The following DGKB variants were observed in gnomAD, a reference collection of about 807,000 sequenced individuals.
The protein encoded by DGKB is 90 kDa diacylglycerol kinase.
A neutral mutation model predicts 114.3 loss-of-function variants in DGKB; 67 were observed. That is an observed-to-expected ratio of 0.59 (90% CI 0.48 to 0.72). DGKB has a LOEUF of 0.72. Among genes scored for constraint, DGKB ranks in the 30% least tolerant of loss-of-function variants. The pLI is 0.00. For missense variants in DGKB, 907 were observed against 975.2 expected, an observed-to-expected ratio of 0.93 and a Z score of 0.93; for synonymous variants, 398 against 323.1, an observed-to-expected ratio of 1.23 and a Z score of -2.49.
intron 21 of DGKB, among the ~76,000 whole-genome samples, chr7:14,463,983 G>A (rs745527065): frequency 2.0e-5 from 3 of 151,152 alleles, no homozygotes; most frequent in Admixed American, 6.6e-5. Flanking sequence ...AATAAGATTG[G>A]GACTAACGAT....
At chr7:14,790,186 C>T (rs988583999) in intron 2 of DGKB, among the ~76,000 whole-genome samples, 1 of 152,164 alleles carries the variant, frequency 6.6e-6, no homozygotes, top group African/African-American at 2.4e-5. Context: ...ATATATTTTA[C>T]ATGCTAGTCC....
intron 2 of DGKB, among the ~76,000 whole-genome samples, chr7:14,788,378 T>C (rs770406732): frequency 6.6e-6 from 1 of 152,248 alleles, no homozygotes; most frequent in Non-Finnish European, 1.5e-5. Flanking sequence ...TGTGTTTTCA[T>C]GCTTTGACAT....
At chr7:14,336,122 A>G (rs1810607438) in intron 23 of DGKB, among the ~76,000 whole-genome samples, 1 of 152,220 alleles carries the variant, frequency 6.6e-6, no homozygotes, top group South Asian at 2.1e-4. Context: ...GGATAAATGT[A>G]ACTATCTCAG....
At chr7:14,417,057 G>T (rs1294530701) in intron 21 of DGKB, among the ~76,000 whole-genome samples, 1 of 152,016 alleles carries the variant, frequency 6.6e-6, no homozygotes, top group Non-Finnish European at 1.5e-5. Flanking sequence ...TTAATGGAAA[G>T]AACTAGGACC....
At chr7:14,683,847 T>C (rs1412679940) in intron 10 of DGKB, among the ~76,000 whole-genome samples, 1 of 152,010 alleles carries the variant, frequency 6.6e-6, no homozygotes, top group African/African-American at 2.4e-5. Context: ...CTCCTCCGTA[T>C]TAAAAATAAT....
intron 21 of DGKB, among the ~76,000 whole-genome samples, chr7:14,467,921 C>T (rs1292878445): frequency 6.6e-6 from 1 of 151,976 alleles, no homozygotes; most frequent in Non-Finnish European, 1.5e-5. Context: ...TCAAGCCAGG[C>T]TTACCTTCTA....
chr7:14,200,542 G>T (rs749228724), intron 23 of DGKB, among the ~76,000 whole-genome samples: 5 of 151,904 alleles, frequency 3.3e-5, no homozygotes, highest in Admixed American at 1.3e-4. Context: ...TTATTTTCCT[G>T]GCTTACATTT....
chr7:14,448,893 G>C (rs977940903), intron 21 of DGKB, among the ~76,000 whole-genome samples: 3 of 152,010 alleles, frequency 2.0e-5, no homozygotes, highest in Non-Finnish European at 4.4e-5. Context: ...ATATGGGTGT[G>C]TTCAAAGAAC....
At chr7:14,355,093 C>T (rs944062322) in intron 21 of DGKB, among the ~76,000 whole-genome samples, 13 of 152,146 alleles carry the variant, frequency 8.5e-5, no homozygotes, top group African/African-American at 3.1e-4. Context: ...GCTTGTTCCC[C>T]CATCCTCTTT....
At chr7:14,276,714 T>G (rs1403146972) in intron 23 of DGKB, among the ~76,000 whole-genome samples, 3 of 151,986 alleles carry the variant, frequency 2.0e-5, no homozygotes, top group Non-Finnish European at 4.4e-5. Context: ...ATATGTGAGC[T>G]ACTTTGCTAA....
intron 23 of DGKB, among the ~76,000 whole-genome samples, chr7:14,274,942 A>AGTGTGTGTGTGT (rs10538591): frequency 9.1e-4 from 133 of 146,398 alleles, no homozygotes; most frequent in African/African-American, 3.3e-3. Flanking sequence ...AGTCCATAGC[A>AGTGTGTGTGTGT]GTGTGTGTGT....
At chr7:14,438,316 G>C (rs1488332418) in intron 21 of DGKB, among the ~76,000 whole-genome samples, 1 of 152,100 alleles carries the variant, frequency 6.6e-6, no homozygotes. Flanking sequence ...AGAGAGCAAA[G>C]CTAGTCAGTT....
chr7:14,838,794 A>G (rs191290366), intron 2 of DGKB, among the ~76,000 whole-genome samples: 69 of 152,264 alleles, frequency 4.5e-4, no homozygotes, highest in Non-Finnish European at 8.5e-4. Context: ...TTATAACTGT[A>G]CAATGACTTC....
At chr7:14,343,847 G>A (rs1008793951) in intron 22 of DGKB, among the ~76,000 whole-genome samples, 1 of 147,896 alleles carries the variant, frequency 6.8e-6, no homozygotes, top group Non-Finnish European at 1.5e-5. Flanking sequence ...ATATGTATAT[G>A]TATATAACAA....
At chr7:14,956,626 T>C (rs1366851367) in intron 1 of DGKB, among the ~76,000 whole-genome samples, 1 of 152,022 alleles carries the variant, frequency 6.6e-6, no homozygotes, top group African/African-American at 2.4e-5. Flanking sequence ...TCTTAACCTC[T>C]AGAAGCTCTT....
intron 23 of DGKB, among the ~76,000 whole-genome samples, chr7:14,267,862 A>G (rs565901179): frequency 2.0e-5 from 3 of 152,176 alleles, no homozygotes; most frequent in African/African-American, 7.2e-5. Flanking sequence ...GGTAAATGGC[A>G]TGAATATCTG....
At position 14,212,237 on chromosome 7, in the gene DGKB, ATTT is replaced by A. The variant is rs1254663674; in HGVS notation, c.2123-34089_2123-34087del. On this transcript the variant is annotated intron_variant, in intron 23 of 25. Coordinates refer to ENST00000402815, the MANE Select transcript of DGKB (RefSeq NM_001350709.2). ...TGTGATTTTACTCTCATGTTTTGTG[ATTT>A]TACTCTCATGTTTTGTGATTTTACT... Among the ~76,000 whole-genome samples, 23 of 6,424 alleles carry A rather than the reference ATTT, an allele frequency of 3.6e-3. 10 individuals are homozygous for A. The highest frequency in any genetic ancestry group is 0.027 in the African/African-American group (18 of 664). 4.2% of individuals were successfully genotyped at this position (6,424 alleles called of 152,430 possible).
chr7:14,557,613 T>C (rs1796059562), intron 20 of DGKB, among the ~76,000 whole-genome samples: 1 of 152,124 alleles, frequency 6.6e-6, no homozygotes, highest in African/African-American at 2.4e-5. Flanking sequence ...GGCTATAATT[T>C]TGTCCTCCAT....
At chr7:14,792,785 A>AT (rs1252085944) in intron 2 of DGKB, among the ~76,000 whole-genome samples, 2 of 152,218 alleles carry the variant, frequency 1.3e-5, no homozygotes, top group African/African-American at 4.8e-5. Flanking sequence ...ATCCCCTGAC[A>AT]TTTTTTCTAT....
Sources: allele counts gnomAD v4.1 joint callset (sites outside exome capture counted in the v4.1 genomes callset), GRCh38; gene constraint gnomAD v4.1.1; transcripts MANE v1.5; gene names NCBI Gene and HGNC (gene_info 2026-07-23, HGNC 2026-07-21).